The following TAF1B variants were observed in gnomAD, a reference collection of about 807,000 sequenced individuals.
The protein encoded by TAF1B is TATA-box binding protein associated factor, RNA polymerase I subunit B.
Under a neutral mutation model 83.9 loss-of-function variants are expected in TAF1B, and 61 were observed. That is an observed-to-expected ratio of 0.73 (90% CI 0.59 to 0.90). The LOEUF (loss-of-function observed/expected upper bound fraction) is 0.90, where lower values mean the gene tolerates loss of function less well. TAF1B is among the 40% of genes least tolerant of loss of function. The probability of loss-of-function intolerance (pLI) is 0.00; values close to 1 mark genes in which losing one functional copy is unlikely to be tolerated. For synonymous variants in TAF1B, 221 were observed against 224.6 expected, an observed-to-expected ratio of 0.98 and a Z score of 0.14; for missense variants, 625 against 677.0, an observed-to-expected ratio of 0.92 and a Z score of 0.85.
intron 14 of TAF1B, among the ~76,000 whole-genome samples, chr2:9,923,651 C>G (rs1361706989): frequency 6.6e-6 from 1 of 151,256 alleles, no homozygotes; most frequent in Non-Finnish European, 1.5e-5. Flanking sequence ...TGCACTCCAG[C>G]CTGGGCAACA....
intron 1 of TAF1B, among the ~76,000 whole-genome samples, chr2:9,844,639 C>T (rs1378163727): frequency 1.3e-5 from 2 of 152,146 alleles, no homozygotes; most frequent in Non-Finnish European, 2.9e-5. Context: ...TCTGTAAATG[C>T]TAGGCTGATG....
chr2:9,906,956 C>A (rs932124692), intron 9 of TAF1B, among the ~76,000 whole-genome samples: 2 of 152,164 alleles, frequency 1.3e-5, no homozygotes, highest in Non-Finnish European at 2.9e-5. Context: ...TAGCTTATTA[C>A]AACCTTGAAC....
At chr2:9,909,772 C>T (rs887682911) in intron 9 of TAF1B, among the ~76,000 whole-genome samples, 1 of 152,106 alleles carries the variant, frequency 6.6e-6, no homozygotes, top group African/African-American at 2.4e-5. Flanking sequence ...TATTCTTATT[C>T]CTATTTTAGA....
Position 9,845,322 on chromosome 2 carries a change from A to G in TAF1B, c.117+4A>G. On this transcript the variant is annotated splice_donor_region_variant and intron_variant, in intron 2 of 14. Transcript: ENST00000263663. ...TTCTTGCCACAATGTTACAGAGGTA[A>G]GTAACAAATATCATTTATGAATTTG... 6.2e-7 allele frequency: 1 copy of G among 1,608,554 alleles called. No individual in the cohort carries two copies.
intron 14 of TAF1B, among the ~76,000 whole-genome samples, chr2:9,929,620 A>T (rs1314317839): frequency 6.6e-6 from 1 of 152,174 alleles, no homozygotes; most frequent in Non-Finnish European, 1.5e-5. Context: ...ATCAATGTTC[A>T]TCAAGGATAT....
rs1404149870 is a variant in TAF1B at position 9,875,853 on chromosome 2, T to A, written c.554-12T>A. ...TCACTGGATTTTTAAAAATCTCCATTTATCTCCTAAGAAACGTCTGTCTGC... is the reference window on the plus strand; with the variant it reads ...TCACTGGATTTTTAAAAATCTCCATATATCTCCTAAGAAACGTCTGTCTGC... On this transcript the variant is annotated splice_polypyrimidine_tract_variant and intron_variant, in intron 6 of 14. Coordinates refer to ENST00000263663, the MANE Select transcript of TAF1B (RefSeq NM_005680.3). 1 of 1,557,908 alleles carries A rather than the reference T, an allele frequency of 6.4e-7. No individual in the cohort carries two copies. Among genetic ancestry groups the A allele is most frequent in the East Asian group, 2.3e-5 (1 of 43,852 alleles).
intron 8 of TAF1B, among the ~76,000 whole-genome samples, chr2:9,888,226 G>T: frequency 6.6e-6 from 1 of 151,776 alleles, no homozygotes; most frequent in South Asian, 2.1e-4. Flanking sequence ...CTTGTATAGA[G>T]TAAGACCCTT....
At chr2:9,920,702 G>T (rs1665852961) in intron 14 of TAF1B, among the ~76,000 whole-genome samples, 1 of 152,126 alleles carries the variant, frequency 6.6e-6, no homozygotes, top group Non-Finnish European at 1.5e-5. Flanking sequence ...AATCTGCAGG[G>T]AGATACTTGG....
chr2:9,849,441 TAAA>T lies in TAF1B; in HGVS notation c.195_197del (p.Lys65del). 1 of 1,230,818 alleles carries T rather than the reference TAAA, an allele frequency of 8.1e-7. No individual in the cohort carries two copies. Among genetic ancestry groups the T allele is most frequent in the Non-Finnish European group, 1.1e-6 (1 of 908,194 alleles). The allele number at this position is 1,230,818 out of a possible 1,614,324, so 76.2% of individuals were successfully genotyped here. On this transcript the variant is annotated inframe_deletion, in exon 3 of 15. Coordinates refer to ENST00000263663, the MANE Select transcript of TAF1B (RefSeq NM_005680.3). ...AAATAAAAGCCCTCAACCGGGGGCT[TAAA>T]AAAAAAAACAATACTGGTAAGTTCT...
At chr2:9,880,612 G>T (rs1664475336) in intron 7 of TAF1B, among the ~76,000 whole-genome samples, 1 of 152,018 alleles carries the variant, frequency 6.6e-6, no homozygotes, top group Non-Finnish European at 1.5e-5. Context: ...AACTGACTGT[G>T]CCTCTGTTGT....
chr2:9,934,056 C>A lies in TAF1B; in HGVS notation c.*72C>A. The A allele has an allele frequency of 2.4e-6, 3 of 1,254,252 alleles. No homozygotes were observed. The highest frequency in any genetic ancestry group is 5.1e-5 in the East Asian group (2 of 39,536). 77.7% of individuals were successfully genotyped at this position (1,254,252 alleles called of 1,614,324 possible). On this transcript the variant is annotated 3_prime_UTR_variant, in exon 15 of 15. Transcript: ENST00000263663. ...TAACATCAGATTTTAATATAACATT[C>A]CAGAGAATTGTGGAAAATACTGCAT...
chr2:9,873,628 T>G (rs1052666663), intron 6 of TAF1B, among the ~76,000 whole-genome samples: 1 of 151,166 alleles, frequency 6.6e-6, no homozygotes. Flanking sequence ...GGATTTTTTT[T>G]TTTTTTTTTT....
chr2:9,905,304 A>G (rs1336529151), intron 9 of TAF1B, among the ~76,000 whole-genome samples: 8 of 152,208 alleles, frequency 5.3e-5, no homozygotes, highest in Non-Finnish European at 1.0e-4. Flanking sequence ...AAAGTACCAA[A>G]TGTTTCAGTA....
At chr2:9,933,003 T>A (rs957213331) in intron 14 of TAF1B, among the ~76,000 whole-genome samples, 8 of 152,198 alleles carry the variant, frequency 5.3e-5, no homozygotes, top group Non-Finnish European at 8.8e-5. Flanking sequence ...AATCTCCTGG[T>A]GTGCCGTTTG....
At chr2:9,902,611 A>G (rs1446330651) in intron 8 of TAF1B, among the ~76,000 whole-genome samples, 1 of 152,212 alleles carries the variant, frequency 6.6e-6, no homozygotes, top group Non-Finnish European at 1.5e-5. Flanking sequence ...GTGAGATTAT[A>G]TCACAATTCA....
chr2:9,846,203 C>A, intron 2 of TAF1B: 1 of 450,296 alleles, frequency 2.2e-6, no homozygotes, highest in Non-Finnish European at 4.6e-6. Context: ...CTTCTGACTT[C>A]AGTGTTCATT....
intron 5 of TAF1B, among the ~76,000 whole-genome samples, chr2:9,864,048 A>G (rs186559120): frequency 6.6e-6 from 1 of 152,270 alleles, no homozygotes; most frequent in Admixed American, 6.5e-5. Context: ...CTAGAGAAAC[A>G]AGAGCAAACA....
In TAF1B at chr2:9,919,100, A is replaced by G. The variant is rs1377604037; in HGVS notation, c.1331A>G (p.Tyr444Cys). ...TCATTTGTCGACAAACCAGTAGCAT[A>G]TAAAAAAAGAGGTAAGTCAAATTTT... ...YYSFVDKPVAYKKREMVVNLQ... is the reference protein window; with the variant it reads ...YYSFVDKPVACKKREMVVNLQ... The change falls in exon 13 of 15, where the codon TAT becomes TGT. Residue 444 changes from tyrosine to cysteine, a missense_variant. Transcript: ENST00000263663. 1 of 1,614,116 alleles carries G rather than the reference A, an allele frequency of 6.2e-7. No individual in the cohort carries two copies.
At chr2:9,925,524 A>G (rs1666009269) in intron 14 of TAF1B, among the ~76,000 whole-genome samples, 1 of 152,042 alleles carries the variant, frequency 6.6e-6, no homozygotes, top group South Asian at 2.1e-4. Flanking sequence ...GTCACAGCTA[A>G]TGGGTGGCAG....
Sources: gnomAD v4.1 joint callset for allele counts (sites outside exome capture counted in the v4.1 genomes callset) on GRCh38, gnomAD v4.1.1 for gene constraint, MANE v1.5 for transcripts, NCBI Gene and HGNC (gene_info 2026-07-23, HGNC 2026-07-21) for gene names.